The following ZNF83 variants were observed in gnomAD, a reference collection of about 807,000 sequenced individuals.
ZNF83 encodes zinc finger protein 83, also known as zinc finger protein 816B.
For synonymous variants in ZNF83, 209 were observed against 213.0 expected (o/e 0.98, Z 0.17); for missense variants, 552 against 629.9 (o/e 0.88, Z 1.32).
At chr19:52,635,455 C>A in intron 1 of ZNF83, 1 of 180,528 alleles carries the variant, frequency 5.5e-6, no homozygotes, top group Non-Finnish European at 1.1e-5. Context: ...TGCAGTGGCT[C>A]ATGCCTGTCA....
At chr19:52,647,736 A>C (rs2061391438) in intron 3 of ZNF83, among the ~76,000 whole-genome samples, 1 of 148,406 alleles carries the variant, frequency 6.7e-6, no homozygotes. Flanking sequence ...TCTTACCTCT[A>C]TTCCTTCTCT....
At chr19:52,684,796 A>G (rs7250433) in intron 1 of ZNF83, among the ~76,000 whole-genome samples, 91,362 of 151,130 alleles carry the variant, frequency 0.6, 27,776 homozygotes, top group African/African-American at 0.69. Context: ...GGTGTTTGGG[A>G]AAAAAAAAAT....
intron 2 of ZNF83, chr19:52,618,641 C>T: frequency 2.4e-6 from 1 of 418,108 alleles, no homozygotes; most frequent in Non-Finnish European, 4.1e-6. Context: ...AAGTGATCCA[C>T]AAGCTTTGGC....
intron 1 of ZNF83, among the ~76,000 whole-genome samples, chr19:52,663,551 G>A (rs576256831): frequency 6.6e-6 from 1 of 152,264 alleles, no homozygotes; most frequent in South Asian, 2.1e-4. Flanking sequence ...GAAAGAAAAT[G>A]GAGTAATAGG....
At chr19:52,658,650 T>G (rs184784261) in intron 2 of ZNF83, among the ~76,000 whole-genome samples, 8 of 152,302 alleles carry the variant, frequency 5.3e-5, no homozygotes, top group Non-Finnish European at 8.8e-5. Flanking sequence ...AAAGGTTATA[T>G]AGCTTGTAAT....
chr19:52,643,782 G>A (rs1467455108), intron 3 of ZNF83, among the ~76,000 whole-genome samples: 2 of 152,298 alleles, frequency 1.3e-5, no homozygotes, highest in Admixed American at 1.3e-4. Flanking sequence ...GGGAGGGCAT[G>A]GGAGACATCT....
At chr19:52,657,123 C>A (rs528334354) in intron 2 of ZNF83, among the ~76,000 whole-genome samples, 2 of 150,630 alleles carry the variant, frequency 1.3e-5, no homozygotes, top group African/African-American at 4.9e-5. Flanking sequence ...CACCCCCACC[C>A]TCCCAAAAGT....
At chr19:52,614,417 T>C (rs2060234842) in exon 3 of ZNF83, 5 of 1,613,576 alleles carry the variant, frequency 3.1e-6, no homozygotes, top group Admixed American at 1.7e-5. Flanking sequence ...ACTAAGGAAC[T>C]ACTGTTGACA....
intron 3 of ZNF83, chr19:52,653,056 C>A: frequency 6.7e-7 from 1 of 1,486,928 alleles, no homozygotes; most frequent in Non-Finnish European, 9.3e-7. Flanking sequence ...ACATTCATTA[C>A]ACTTGTAAGG....
At chr19:52,630,741 T>G (rs184045032) in intron 2 of ZNF83, among the ~76,000 whole-genome samples, 1 of 151,998 alleles carries the variant, frequency 6.6e-6, no homozygotes, top group African/African-American at 2.4e-5. Context: ...CTAATCACCC[T>G]TACCCCACTC....
chr19:52,624,173 A>G (rs919964906), intron 2 of ZNF83, among the ~76,000 whole-genome samples: 1 of 151,942 alleles, frequency 6.6e-6, no homozygotes, highest in Non-Finnish European at 1.5e-5. Flanking sequence ...TCTGCTTCCT[A>G]CCTTATTCAA....
chr19:52,688,335 T>A (rs144028106), intron 1 of ZNF83, among the ~76,000 whole-genome samples: 300 of 149,104 alleles, frequency 2.0e-3, no homozygotes, highest in East Asian at 0.02. Context: ...CATACCCGAT[T>A]AATTTTTTTT....
intron 1 of ZNF83, among the ~76,000 whole-genome samples, chr19:52,676,592 C>A (rs1292606374): frequency 1.3e-5 from 2 of 150,884 alleles, no homozygotes; most frequent in East Asian, 2.0e-4. Context: ...AGTGAGGAGC[C>A]CCTCTGCCTG....
chr19:52,659,048 T>C (rs1417411734), intron 2 of ZNF83, among the ~76,000 whole-genome samples: 2 of 152,084 alleles, frequency 1.3e-5, no homozygotes, highest in African/African-American at 2.4e-5. Context: ...TATGTGTCGG[T>C]GTACGTTTCA....
intron 1 of ZNF83, among the ~76,000 whole-genome samples, chr19:52,687,630 AATG>A (rs2062064598): frequency 7.8e-5 from 1 of 12,772 alleles, no homozygotes; most frequent in Non-Finnish European, 1.4e-4. Flanking sequence ...ATATATATAT[AATG>A]TATATATATA....
chr19:52,687,599 G>GTGTATATATATATATAATGTATATATA, intron 1 of ZNF83, among the ~76,000 whole-genome samples: 1 of 16,816 alleles, frequency 5.9e-5, no homozygotes, highest in African/African-American at 5.3e-4. Context: ...TATATATAAT[G>GTGTATATATATATATAATGTATATATA]TATATATATA....
chr19:52,663,681 A>C (rs2061608479), intron 1 of ZNF83, among the ~76,000 whole-genome samples: 1 of 152,356 alleles, frequency 6.6e-6, no homozygotes, highest in South Asian at 2.1e-4. Context: ...TCCAATACAT[A>C]ATAAAGACTA....
At chr19:52,648,153 C>CT (rs375992477) in intron 3 of ZNF83, among the ~76,000 whole-genome samples, 1,441 of 143,642 alleles carry the variant, frequency 0.01, 29 homozygotes, top group African/African-American at 0.032. Flanking sequence ...GCTTTCTTAT[C>CT]TTTTTTTTTT....
chr19:52,669,924 T>C (rs112027913), intron 1 of ZNF83, among the ~76,000 whole-genome samples: 3,336 of 152,280 alleles, frequency 0.022, 116 homozygotes, highest in African/African-American at 0.072. Context: ...CCAAGACATG[T>C]TAAAGAAGTT....
Sources: gnomAD v4.1 joint callset for allele counts (sites outside exome capture counted in the v4.1 genomes callset) on GRCh38, gnomAD v4.1.1 for gene constraint, MANE v1.5 for transcripts, NCBI Gene and HGNC (gene_info 2026-07-23, HGNC 2026-07-21) for gene names.